Variants in DCUN1D5 observed in about 807,000 individuals in gnomAD.
The protein encoded by DCUN1D5 is DCN1-like protein 5.
DCUN1D5 carries 10 observed loss-of-function variants against 38.3 expected under a neutral mutation model. The ratio of observed to expected loss-of-function variants is 0.26; its 90% confidence interval spans 0.16 to 0.44. DCUN1D5 has a LOEUF of 0.44. Among genes scored for constraint, DCUN1D5 ranks in the 20% least tolerant of loss-of-function variants. DCUN1D5 has a pLI of 1.00. For missense variants in DCUN1D5, 148 were observed against 275.3 expected (o/e 0.54, Z 3.27); for synonymous variants, 93 against 90.9 (o/e 1.02, Z -0.13).
rs752812833 is a variant in DCUN1D5, at chr11:103,091,007, A to T, written c.86+780T>A. On this transcript the variant is annotated intron_variant, in intron 1 of 7. Transcript: ENST00000260247. This position sits in a 1 kb window ranked among gnomAD's most constrained non-coding sequence, Gnocchi z 4.3. ...TAAATTTTGCTGTGATGCCTCCATG[A>T]TATGCTACAAGGGGATCAAAGAGCT... Among the ~76,000 whole-genome samples, 1 of 152,216 alleles carries T rather than the reference A, an allele frequency of 6.6e-6. No individual in the cohort carries two copies. Among genetic ancestry groups the T allele is most frequent in the Non-Finnish European group, 1.5e-5 (1 of 68,036 alleles).
At chr11:103,082,867 G>T (rs944713676) in intron 3 of DCUN1D5, 28 bp from the exon 4 acceptor site, 2 of 1,557,294 alleles carry the variant, frequency 1.3e-6, no homozygotes, top group Admixed American at 1.7e-5. Context: ...TAAAGGATAG[G>T]GGAAAAGTCA....
In DCUN1D5 at chr11:103,091,592, C is replaced by T. The variant is rs936690755; in HGVS notation, c.86+195G>A. On this transcript the variant is annotated intron_variant, in intron 1 of 7. Transcript: ENST00000260247. This position sits in a 1 kb window ranked among gnomAD's most constrained non-coding sequence, Gnocchi z 4.3. ...GCTCTTCTAGTCTCTCCATAAACGC[C>T]AGCGTGCACACACTCGAACACGAGG... is the stretch of plus-strand genomic sequence containing the variant. The T allele has an allele frequency of 7.6e-6, 7 of 916,804 alleles. No individual in the cohort carries two copies. The Admixed American group carries it at 9.2e-5, about 12-fold the overall frequency. The allele number at this position is 916,804 out of a possible 1,614,324, so 56.8% of individuals were successfully genotyped here.
At chr11:103,067,934 AT>A (rs1453822066) in intron 4 of DCUN1D5, among the ~76,000 whole-genome samples, 1 of 152,074 alleles carries the variant, frequency 6.6e-6, no homozygotes, top group Admixed American at 6.6e-5. Context: ...GAAAAAGCTT[AT>A]GTAACCCTGG....
At position 103,062,775 on chromosome 11, in the gene DCUN1D5, A is replaced by C. The variant is rs547524915; in HGVS notation, c.659-361T>G. Among the ~76,000 whole-genome samples, 2 of 152,258 alleles carry C rather than the reference A, an allele frequency of 1.3e-5. No homozygotes were observed. The highest frequency in any genetic ancestry group is 4.1e-4 in the South Asian group (2 of 4,824). ...GTAATATTTCTATGTTGCCTCCCCA[A>C]GAAGTGTACAAGCTTGTTGAGAGGG... On this transcript the variant is annotated intron_variant, in intron 7 of 7. Coordinates refer to ENST00000260247, the MANE Select transcript of DCUN1D5 (RefSeq NM_032299.4). The surrounding 1 kb of genome is among the most constrained non-coding windows in gnomAD (Gnocchi z 4.6).
chr11:103,071,551 CTA>C lies in DCUN1D5; in HGVS notation c.342-4986_342-4985del, dbSNP rs1180276987. Among the ~76,000 whole-genome samples, 1 of 149,154 alleles carries C rather than the reference CTA, an allele frequency of 6.7e-6. No individual in the cohort carries two copies. The highest frequency in any genetic ancestry group is 1.9e-4 in the East Asian group (1 of 5,140). ...TAATCTATATATAGATATTTTATAT[CTA>C]TTGATTTATATAGATATAATCTATA... On this transcript the variant is annotated intron_variant, in intron 4 of 7. Coordinates refer to ENST00000260247, the MANE Select transcript of DCUN1D5 (RefSeq NM_032299.4). This position sits in a 1 kb window ranked among gnomAD's most constrained non-coding sequence, Gnocchi z 4.1.
rs1434238953 is a variant in DCUN1D5 at position 103,071,579 on chromosome 11, T to G, written c.342-5012A>C. ...TTGATTTATATAGATATAATCTATA[T>G]CTATGTAAATATTTTATATAGAGAT... On this transcript the variant is annotated intron_variant, in intron 4 of 7. Transcript: ENST00000260247. This position sits in a 1 kb window ranked among gnomAD's most constrained non-coding sequence, Gnocchi z 4.1. Among the ~76,000 whole-genome samples the G allele has an allele frequency of 6.7e-6, 1 of 149,940 alleles. No homozygotes were observed. Among genetic ancestry groups the G allele is most frequent in the African/African-American group, 2.4e-5 (1 of 41,168 alleles).
At chr11:103,081,637 T>G (rs1862567050) in intron 4 of DCUN1D5, among the ~76,000 whole-genome samples, 1 of 152,166 alleles carries the variant, frequency 6.6e-6, no homozygotes, top group Non-Finnish European at 1.5e-5. Flanking sequence ...ACTAAGGAAC[T>G]GTGCCAAATA....
intron 4 of DCUN1D5, among the ~76,000 whole-genome samples, chr11:103,076,137 C>T (rs1017707855): frequency 3.3e-5 from 5 of 152,144 alleles, no homozygotes; most frequent in Non-Finnish European, 7.3e-5. Flanking sequence ...TGCCTCCTGA[C>T]ATTCAAAGTT....
chr11:103,075,854 TCTTA>T (rs1311207303), intron 4 of DCUN1D5, among the ~76,000 whole-genome samples: 5 of 152,368 alleles, frequency 3.3e-5, no homozygotes, highest in East Asian at 1.9e-4. Context: ...AAAAATTTAT[TCTTA>T]CTTATTAGAA....
Position 103,057,591 on chromosome 11 carries a change from G to A in DCUN1D5, c.*4768C>T, listed in dbSNP as rs1861904308. Among the ~76,000 whole-genome samples, 1 of 151,820 alleles carries A rather than the reference G, an allele frequency of 6.6e-6. No individual in the cohort carries two copies. Among genetic ancestry groups the A allele is most frequent in the Non-Finnish European group, 1.5e-5 (1 of 67,942 alleles). On this transcript the variant is annotated 3_prime_UTR_variant, in exon 8 of 8. Coordinates refer to ENST00000260247, the MANE Select transcript of DCUN1D5 (RefSeq NM_032299.4). The surrounding 1 kb of genome is among the most constrained non-coding windows in gnomAD (Gnocchi z 4.8). ...AAAACTTAGCTGGGCATGGTGGCAGGCATCTGTAATCCCAGCTACTTGGGA... is the reference window on the plus strand; with the variant it reads ...AAAACTTAGCTGGGCATGGTGGCAGACATCTGTAATCCCAGCTACTTGGGA...
rs1490780331 is a variant in DCUN1D5, at chr11:103,051,797, AAC to A, written c.*10560_*10561del. The A allele has an allele frequency of 6.6e-6, 1 of 152,210 alleles. No homozygotes were observed. The highest frequency in any genetic ancestry group is 2.4e-5 in the African/African-American group (1 of 41,430). 9.4% of individuals were successfully genotyped at this position (152,210 alleles called of 1,614,324 possible). A position where few individuals can be genotyped will look rare whatever the true frequency, so the allele number is the denominator to read the frequency against. ...AGTCACTAAGAAGCAAAGGACTCTGAACACAGATCTCTGAACTCCAAACCCAG... is the reference window on the plus strand; with the variant it reads ...AGTCACTAAGAAGCAAAGGACTCTGAACAGATCTCTGAACTCCAAACCCAG... On this transcript the variant is annotated 3_prime_UTR_variant, in exon 8 of 8. Coordinates refer to ENST00000260247, the MANE Select transcript of DCUN1D5 (RefSeq NM_032299.4).
At chr11:103,089,370 G>C (rs1260704426) in intron 1 of DCUN1D5, 52 bp from the exon 2 acceptor site, 2 of 1,436,048 alleles carry the variant, frequency 1.4e-6, no homozygotes, top group African/African-American at 1.4e-5. Flanking sequence ...AACTCTTAGA[G>C]AAAAACTAAG....
At chr11:103,090,700 CAGG>C (rs1384307304) in intron 1 of DCUN1D5, among the ~76,000 whole-genome samples, 4 of 152,280 alleles carry the variant, frequency 2.6e-5, no homozygotes, top group African/African-American at 7.2e-5. Context: ...ATCGCGAGGT[CAGG>C]AGTTCAAGAC....
Position 103,086,962 on chromosome 11 carries a change from A to G in DCUN1D5, c.178+2265T>C, listed in dbSNP as rs962748807. Among the ~76,000 whole-genome samples the G allele has an allele frequency of 6.6e-6, 1 of 151,998 alleles. No homozygotes were observed. The highest frequency in any genetic ancestry group is 1.5e-5 in the Non-Finnish European group (1 of 67,982). ...TTAGAATCAGAAGGACCTGGGTTTG[A>G]ATCCTGGCTCTTGTCACTATATGAT... On this transcript the variant is annotated intron_variant, in intron 2 of 7. Coordinates refer to ENST00000260247, the MANE Select transcript of DCUN1D5 (RefSeq NM_032299.4). This position sits in a 1 kb window ranked among gnomAD's most constrained non-coding sequence, Gnocchi z 4.1.
At chr11:103,076,907 A>G (rs2134621833) in intron 4 of DCUN1D5, among the ~76,000 whole-genome samples, 1 of 152,274 alleles carries the variant, frequency 6.6e-6, no homozygotes, top group Admixed American at 6.5e-5. Context: ...TTTTGTAGTA[A>G]AAAAAGAATA....
Position 103,064,596 on chromosome 11 carries a change from CACTGAGT to C in DCUN1D5, c.556-226_556-220del, listed in dbSNP as rs1425755166. 6.6e-6 allele frequency among the ~76,000 whole-genome samples: 1 copy of C among 151,810 alleles called. No individual in the cohort carries two copies. Among genetic ancestry groups the C allele is most frequent in the African/African-American group, 2.4e-5 (1 of 41,292 alleles). ...TTTCATTTTTGAGGAATAATAAGAGCACTGAGTACTAACAGTAAGGATAAAACTAACT... is the reference window on the plus strand; with the variant it reads ...TTTCATTTTTGAGGAATAATAAGAGCACTAACAGTAAGGATAAAACTAACT... On this transcript the variant is annotated intron_variant, in intron 6 of 7. Transcript: ENST00000260247. The surrounding 1 kb of genome is among the most constrained non-coding windows in gnomAD (Gnocchi z 4.5).
rs1259658826 is a variant in DCUN1D5, at chr11:103,053,742, AAATAC to A, written c.*8612_*8616del. On this transcript the variant is annotated 3_prime_UTR_variant, in exon 8 of 8. Coordinates refer to ENST00000260247, the MANE Select transcript of DCUN1D5 (RefSeq NM_032299.4). This position sits in a 1 kb window ranked among gnomAD's most constrained non-coding sequence, Gnocchi z 4.8. ...ATATTATCACATGTACCCCCCAAAT[AAATAC>A]ATCTATTATGTATCAATGAAAAAAA... is the stretch of plus-strand genomic sequence containing the variant. 5 of 151,526 alleles carry A rather than the reference AAATAC, an allele frequency of 3.3e-5. No homozygotes were observed. The highest frequency in any genetic ancestry group is 1.3e-4 in the Admixed American group (2 of 15,146). The allele number at this position is 151,526 out of a possible 1,614,324, so 9.4% of individuals were successfully genotyped here.
At position 103,055,904 on chromosome 11, in the gene DCUN1D5, A is replaced by T. The variant is rs1475118706; in HGVS notation, c.*6455T>A. On this transcript the variant is annotated 3_prime_UTR_variant, in exon 8 of 8. Transcript: ENST00000260247. ...TCTACCATAACATATCCAAAAGTAA[A>T]CTCTCAATCTACCCGCTTAAGCCTG... 3 of 152,004 alleles carry T rather than the reference A, an allele frequency of 2.0e-5. No homozygotes were observed. The highest frequency in any genetic ancestry group is 7.2e-5 in the African/African-American group (3 of 41,382). The allele number at this position is 152,004 out of a possible 1,614,324, so 9.4% of individuals were successfully genotyped here.
In DCUN1D5 at chr11:103,058,896, TG is replaced by T. The variant is rs570686166; in HGVS notation, c.*3462del. ...TAGGAGTAAGACTTTTGGGTTTTTTTGGGGGGGGTTTTAATTTTATTTTTTA... is the reference window on the plus strand; with the variant it reads ...TAGGAGTAAGACTTTTGGGTTTTTTTGGGGGGGTTTTAATTTTATTTTTTA... On this transcript the variant is annotated 3_prime_UTR_variant, in exon 8 of 8. Transcript: ENST00000260247. 3.6e-4 allele frequency among the ~76,000 whole-genome samples: 54 copies of T among 150,752 alleles called. No homozygotes were observed. The South Asian group carries it at 0.01, about 28-fold the overall frequency.
Sources: allele counts gnomAD v4.1 joint callset (sites outside exome capture counted in the v4.1 genomes callset), GRCh38; gene constraint gnomAD v4.1.1; non-coding constraint Gnocchi (gnomAD v3.1); transcripts MANE v1.5; gene names NCBI Gene and HGNC (gene_info 2026-07-23, HGNC 2026-07-21).